The following MARCHF4 variants were observed in gnomAD, a reference collection of about 807,000 sequenced individuals.
The protein encoded by MARCHF4 is E3 ubiquitin-protein ligase MARCHF4.
MARCHF4 carries 14 observed loss-of-function variants against 43.9 expected under a neutral mutation model. That is an observed-to-expected ratio of 0.32 (90% CI 0.21 to 0.50). The LOEUF (loss-of-function observed/expected upper bound fraction) is 0.50. MARCHF4 is among the 20% of genes least tolerant of loss of function. MARCHF4 has a pLI of 0.98. For missense variants in MARCHF4, 468 were observed against 536.7 expected (o/e 0.87, Z 1.27); for synonymous variants, 226 against 213.3 (o/e 1.06, Z -0.52).
At chr2:216,340,405 G>A (rs1692218390) in intron 1 of MARCHF4, among the ~76,000 whole-genome samples, 1 of 152,198 alleles carries the variant, frequency 6.6e-6, no homozygotes, top group South Asian at 2.1e-4. Flanking sequence ...GGCCTCCCTG[G>A]CTCTCCTCCT....
At chr2:216,282,080 A>T (rs1275249228) in intron 2 of MARCHF4, among the ~76,000 whole-genome samples, 2 of 152,098 alleles carry the variant, frequency 1.3e-5, no homozygotes, top group Non-Finnish European at 2.9e-5. Context: ...CCCTGCTGGA[A>T]CCCAGAGGAC....
At chr2:216,264,414 G>A (rs545824918) in intron 3 of MARCHF4, among the ~76,000 whole-genome samples, 134 of 152,320 alleles carry the variant, frequency 8.8e-4, no homozygotes, top group African/African-American at 3.2e-3. Flanking sequence ...CCCTCTCCCA[G>A]TTGTACCAAC....
intron 1 of MARCHF4, among the ~76,000 whole-genome samples, chr2:216,327,385 C>T (rs1692012417): frequency 1.3e-5 from 2 of 151,760 alleles, no homozygotes; most frequent in Admixed American, 1.3e-4. Context: ...ATTTTTTTCC[C>T]CTCATCTTAA....
At position 216,370,159 on chromosome 2, in the gene MARCHF4, GT is replaced by G. The variant is rs1488255317; in HGVS notation, c.101del (p.His34ProfsTer16). 1 of 1,610,832 alleles carries G rather than the reference GT, an allele frequency of 6.2e-7. No homozygotes were observed. The highest frequency in any genetic ancestry group is 8.5e-7 in the Non-Finnish European group (1 of 1,178,818). ...GGCAGCGGCACTTGAGGAGACCCTG[GT>G]GGCGCAACATCTGGGGGGCTGGGGC... ...LCAPAPQMLR[H>X]QGLLKCRCRM... is the part of the protein sequence containing the mutation. On this transcript the variant is annotated frameshift_variant, in exon 1 of 4. Coordinates refer to ENST00000273067, the MANE Select transcript of MARCHF4 (RefSeq NM_020814.3). LOFTEE classifies it high-confidence loss of function.
chr2:216,287,334 G>A lies in MARCHF4; in HGVS notation c.517-3605C>T, dbSNP rs374843676. Among the ~76,000 whole-genome samples, 51 of 152,234 alleles carry A rather than the reference G, an allele frequency of 3.4e-4. No homozygotes were observed. The Middle Eastern group carries it at 0.014, about 41-fold the overall frequency. On this transcript the variant is annotated intron_variant, in intron 1 of 3. Transcript: ENST00000273067. ...AAAGCCCCTCTGGTCCAGCTACTGC[G>A]GCTCCAGCATTTGGGCTGGGAGGAT...
chr2:216,289,433 T>G (rs1691273205), intron 1 of MARCHF4, among the ~76,000 whole-genome samples: 1 of 152,228 alleles, frequency 6.6e-6, no homozygotes, highest in African/African-American at 2.4e-5. Context: ...TTCTCTTGTT[T>G]ATCTGTCTTT....
chr2:216,318,606 C>A (rs955873871), intron 1 of MARCHF4, among the ~76,000 whole-genome samples: 1 of 152,018 alleles, frequency 6.6e-6, no homozygotes, highest in African/African-American at 2.4e-5. Flanking sequence ...GAGGGAAGAC[C>A]AGACAGGGAG....
intron 3 of MARCHF4, among the ~76,000 whole-genome samples, chr2:216,277,169 G>A (rs1417985009): frequency 6.6e-6 from 1 of 152,130 alleles, no homozygotes; most frequent in East Asian, 1.9e-4. Context: ...ACTACACAAA[G>A]CTGGAAAACC....
At chr2:216,299,611 G>T (rs1691455561) in intron 1 of MARCHF4, among the ~76,000 whole-genome samples, 1 of 152,144 alleles carries the variant, frequency 6.6e-6, no homozygotes, top group Non-Finnish European at 1.5e-5. Context: ...TCTTTTCATG[G>T]TGAATGAACA....
At chr2:216,281,058 CTTTTTTTTTTT>C (rs58189904) in intron 2 of MARCHF4, among the ~76,000 whole-genome samples, 5 of 104,296 alleles carry the variant, frequency 4.8e-5, no homozygotes, top group Admixed American at 1.0e-4. Flanking sequence ...TTTCTCACAA[CTTTTTTTTTTT>C]TTTTTTTTTT....
Position 216,259,288 on chromosome 2 carries a change from G to A in MARCHF4, c.*24C>T. The A allele has an allele frequency of 1.3e-6, 2 of 1,516,044 alleles. No individual in the cohort carries two copies. Among genetic ancestry groups the A allele is most frequent in the Non-Finnish European group, 1.8e-6 (2 of 1,131,780 alleles). The allele number at this position is 1,516,044 out of a possible 1,614,324, so 93.9% of individuals were successfully genotyped here. ...GCTCCGGGCCCTCAGTGGTGGTCAT[G>A]GCCTTCCTTCCGGGCCTCTGCTCTC... is the stretch of plus-strand genomic sequence containing the variant. On this transcript the variant is annotated 3_prime_UTR_variant, in exon 4 of 4. Transcript: ENST00000273067.
intron 2 of MARCHF4, among the ~76,000 whole-genome samples, chr2:216,282,693 C>G (rs1160129362): frequency 1.3e-5 from 2 of 152,150 alleles, no homozygotes; most frequent in Non-Finnish European, 2.9e-5. Context: ...CCTGCCAGCT[C>G]CCCTGGGGAC....
chr2:216,313,199 G>C (rs2105957607), intron 1 of MARCHF4, among the ~76,000 whole-genome samples: 1 of 152,146 alleles, frequency 6.6e-6, no homozygotes, highest in East Asian at 1.9e-4. Context: ...TAGGTATGTG[G>C]CTTTTTTTCT....
At chr2:216,321,625 G>A (rs1691896773) in intron 1 of MARCHF4, 1 of 152,164 alleles carries the variant, frequency 6.6e-6, no homozygotes, top group Non-Finnish European at 1.5e-5. Context: ...ACAGGCAATG[G>A]ATCCTTCAGG....
intron 1 of MARCHF4, among the ~76,000 whole-genome samples, chr2:216,356,830 C>T (rs1692510154): frequency 6.6e-6 from 1 of 152,052 alleles, no homozygotes. Flanking sequence ...TGAGACCAGC[C>T]TGGCCAACAT....
intron 1 of MARCHF4, among the ~76,000 whole-genome samples, chr2:216,323,902 A>G (rs1294762714): frequency 6.6e-6 from 1 of 152,234 alleles, no homozygotes; most frequent in East Asian, 1.9e-4. Context: ...CAATTAAAAG[A>G]ACTAGAAAAG....
intron 1 of MARCHF4, among the ~76,000 whole-genome samples, chr2:216,350,293 A>T (rs1322654981): frequency 2.1e-5 from 1 of 46,556 alleles, no homozygotes. Flanking sequence ...ACTGTGCTAC[A>T]CCCCCTCACT....
At chr2:216,347,528 G>A (rs897962894) in intron 1 of MARCHF4, among the ~76,000 whole-genome samples, 6 of 152,036 alleles carry the variant, frequency 3.9e-5, no homozygotes, top group South Asian at 2.1e-4. Context: ...GAAAAATGCC[G>A]ACCAGCCTGG....
intron 1 of MARCHF4, among the ~76,000 whole-genome samples, chr2:216,347,828 T>C (rs1221654038): frequency 2.7e-5 from 4 of 150,852 alleles, no homozygotes; most frequent in Non-Finnish European, 5.9e-5. Flanking sequence ...AGGGTTCTTT[T>C]TTTTTTTTTT....
Sources: allele counts gnomAD v4.1 joint callset (sites outside exome capture counted in the v4.1 genomes callset), GRCh38; gene constraint gnomAD v4.1.1; transcripts MANE v1.5; gene names NCBI Gene and HGNC (gene_info 2026-07-23, HGNC 2026-07-21).